The following PRR16 variants were observed in gnomAD, a reference collection of about 807,000 sequenced individuals.
PRR16 encodes the protein proline rich 16, also known as protein Largen.
In PRR16, 6 loss-of-function variants were observed where a neutral mutation model predicts 18.2. That is an observed-to-expected ratio of 0.33 (90% CI 0.18 to 0.65). The LOEUF is 0.65. PRR16 is among the 30% of genes least tolerant of loss of function. The pLI, the probability that PRR16 is intolerant of heterozygous loss-of-function variation, is 0.74. For missense variants in PRR16, 412 were observed against 376.6 expected (o/e 1.09, Z -0.78); for synonymous variants, 151 against 147.8 (o/e 1.02, Z -0.16).
the PRR16 span, among the ~76,000 whole-genome samples, chr5:120,781,875 C>A: frequency 6.6e-6 from 1 of 151,980 alleles, no homozygotes; most frequent in Non-Finnish European, 1.5e-5. Flanking sequence ...TGTAGATAGA[C>A]CTTACAAATT....
At chr5:120,554,688 C>G (rs1269421491) in intron 1 of PRR16, among the ~76,000 whole-genome samples, 1 of 151,832 alleles carries the variant, frequency 6.6e-6, no homozygotes, top group African/African-American at 2.4e-5. Flanking sequence ...ATGTAAGTCT[C>G]ACAACAGCCT....
At chr5:120,489,123 A>G (rs1580635845) in intron 1 of PRR16, among the ~76,000 whole-genome samples, 1 of 152,174 alleles carries the variant, frequency 6.6e-6, no homozygotes, top group Non-Finnish European at 1.5e-5. Context: ...AAGAATGTAT[A>G]TTCTGTTGAT....
the PRR16 span, among the ~76,000 whole-genome samples, chr5:120,701,315 T>A: frequency 1.3e-5 from 2 of 152,306 alleles, no homozygotes; most frequent in East Asian, 3.9e-4. Context: ...GAGAATAAGA[T>A]GGCCTTTTGA....
the PRR16 span, among the ~76,000 whole-genome samples, chr5:120,759,464 T>A: frequency 7.3e-4 from 111 of 152,198 alleles, 1 homozygote; most frequent in Non-Finnish European, 1.4e-3. Context: ...TAACATTATA[T>A]GAAAAAGCAG....
At chr5:120,516,106 G>GAAAAA (rs1750979815) in intron 1 of PRR16, among the ~76,000 whole-genome samples, 1 of 151,880 alleles carries the variant, frequency 6.6e-6, no homozygotes, top group African/African-American at 2.4e-5. Context: ...CTGCTAGAAA[G>GAAAAA]CAAAACCAAA....
At chr5:120,782,769 C>A in the PRR16 span, among the ~76,000 whole-genome samples, 2 of 152,224 alleles carry the variant, frequency 1.3e-5, no homozygotes, top group African/African-American at 4.8e-5. Context: ...TTGGGCCCTG[C>A]AAATTTTGTG....
At chr5:120,747,710 G>A in the PRR16 span, among the ~76,000 whole-genome samples, 2 of 151,956 alleles carry the variant, frequency 1.3e-5, no homozygotes, top group Admixed American at 1.3e-4. Flanking sequence ...TTAGAGCCTA[G>A]GCTTTTAATC....
the PRR16 span, among the ~76,000 whole-genome samples, chr5:120,739,730 CATT>C: frequency 6.6e-6 from 1 of 152,216 alleles, no homozygotes; most frequent in South Asian, 2.1e-4. Flanking sequence ...AGGAAAAAAT[CATT>C]AGCACAAATT....
intron 1 of PRR16, among the ~76,000 whole-genome samples, chr5:120,620,064 A>G (rs554259604): frequency 2.0e-5 from 3 of 152,252 alleles, no homozygotes; most frequent in Non-Finnish European, 4.4e-5. Context: ...TGGAATAAGT[A>G]TTGTTTGTTA....
chr5:120,706,849 C>G, the PRR16 span, among the ~76,000 whole-genome samples: 1 of 152,114 alleles, frequency 6.6e-6, no homozygotes, highest in Admixed American at 6.5e-5. Context: ...CTGCTCTAAG[C>G]TATTGTGGGA....
the PRR16 span, among the ~76,000 whole-genome samples, chr5:120,774,061 AT>A: frequency 9.2e-6 from 1 of 109,156 alleles, no homozygotes; most frequent in South Asian, 2.6e-4. Flanking sequence ...ATAATGTTTT[AT>A]TTTTGAGTTG....
the PRR16 span, among the ~76,000 whole-genome samples, chr5:120,754,406 CTATATACTATATAT>C: frequency 2.6e-5 from 1 of 38,524 alleles, no homozygotes; most frequent in Admixed American, 4.4e-4. Context: ...ATATATTATA[CTATATACTATATAT>C]TATATAATAT....
the PRR16 span, among the ~76,000 whole-genome samples, chr5:120,737,643 CTT>C: frequency 7.1e-6 from 1 of 141,596 alleles, no homozygotes; most frequent in Non-Finnish European, 1.6e-5. Flanking sequence ...TTCTTTCTTT[CTT>C]TTTTTTTTTG....
chr5:120,754,103 G>A, the PRR16 span, among the ~76,000 whole-genome samples: 2 of 51,390 alleles, frequency 3.9e-5, no homozygotes, highest in Non-Finnish European at 8.2e-5. Context: ...GTTATATCAG[G>A]AAGAAAATAG....
chr5:120,486,747 C>G (rs1347984498), intron 1 of PRR16, among the ~76,000 whole-genome samples: 2 of 152,070 alleles, frequency 1.3e-5, no homozygotes, highest in Admixed American at 1.3e-4. Flanking sequence ...ATGGTATTGC[C>G]TAGGTTTTCT....
intron 1 of PRR16, among the ~76,000 whole-genome samples, chr5:120,504,444 TG>T (rs2112847777): frequency 6.6e-6 from 1 of 152,322 alleles, no homozygotes; most frequent in Non-Finnish European, 1.5e-5. Context: ...GAAGAAATTG[TG>T]GGGATATATC....
intron 1 of PRR16, among the ~76,000 whole-genome samples, chr5:120,625,208 A>G (rs1754825169): frequency 6.6e-6 from 1 of 152,178 alleles, no homozygotes; most frequent in South Asian, 2.1e-4. Context: ...ACTGGTAGAA[A>G]TCTAATTCTG....
chr5:120,581,882 T>G (rs373647164), intron 1 of PRR16, among the ~76,000 whole-genome samples: 2 of 152,162 alleles, frequency 1.3e-5, no homozygotes, highest in African/African-American at 4.8e-5. Flanking sequence ...TCTGAGAGAC[T>G]GTTTGTTATG....
Position 120,595,307 on chromosome 5 carries a change from G to A in PRR16, c.160-90647G>A, listed in dbSNP as rs12522585. 7.3e-4 allele frequency among the ~76,000 whole-genome samples: 111 copies of A among 151,838 alleles called. 1 individual carries two copies. Among genetic ancestry groups the A allele is most frequent in the Admixed American group, 6.7e-3 (102 of 15,196 alleles). ...TGAATAGACAGTATATAGACATATA[G>A]AAGACATATATGCAGTCAACCATCA... On this transcript the variant is annotated intron_variant, in intron 1 of 1. Transcript: ENST00000407149.
Sources: gnomAD v4.1 joint callset for allele counts (sites outside exome capture counted in the v4.1 genomes callset) on GRCh38, gnomAD v4.1.1 for gene constraint, MANE v1.5 for transcripts, NCBI Gene and HGNC (gene_info 2026-07-23, HGNC 2026-07-21) for gene names.